The following RAPGEF4 variants were observed in gnomAD, a reference collection of about 807,000 sequenced individuals.
The protein encoded by RAPGEF4 is Rap guanine nucleotide exchange factor 4.
RAPGEF4 carries 66 observed loss-of-function variants against 147.9 expected under a neutral mutation model. The observed-to-expected ratio is 0.45, with a 90% confidence interval of 0.37 to 0.55. The LOEUF (loss-of-function observed/expected upper bound fraction) is 0.55. Among genes scored for constraint, RAPGEF4 ranks in the 20% least tolerant of loss-of-function variants. RAPGEF4 has a pLI of 0.00. For synonymous variants in RAPGEF4, 419 were observed against 442.7 expected (o/e 0.95, Z 0.67); for missense variants, 1,071 against 1,257.3 (o/e 0.85, Z 2.24).
chr2:172,869,812 G>T (rs1021695987), intron 4 of RAPGEF4, among the ~76,000 whole-genome samples: 2 of 152,148 alleles, frequency 1.3e-5, no homozygotes, highest in African/African-American at 4.8e-5. Context: ...ATATCTAAAA[G>T]GAAGTCCAGA....
chr2:172,966,516 A>C (rs1478690295), intron 9 of RAPGEF4, among the ~76,000 whole-genome samples: 1 of 152,112 alleles, frequency 6.6e-6, no homozygotes, highest in African/African-American at 2.4e-5. Flanking sequence ...CAAGGGATCT[A>C]CTGCTTGTCT....
At chr2:173,033,299 C>T (rs1299026741) in intron 26 of RAPGEF4, among the ~76,000 whole-genome samples, 2 of 152,100 alleles carry the variant, frequency 1.3e-5, no homozygotes, top group Admixed American at 6.6e-5. Flanking sequence ...TGAGAAGCAG[C>T]TGTGTGACTC....
chr2:172,950,381 A>G (rs1415862242), intron 6 of RAPGEF4, among the ~76,000 whole-genome samples: 3 of 152,222 alleles, frequency 2.0e-5, no homozygotes, highest in Non-Finnish European at 4.4e-5. Context: ...GGATTGATCC[A>G]TTCAGCAAAT....
At chr2:172,847,039 T>C (rs1575025039) in intron 4 of RAPGEF4, among the ~76,000 whole-genome samples, 1 of 152,186 alleles carries the variant, frequency 6.6e-6, no homozygotes, top group East Asian at 1.9e-4. Context: ...GATGAATTAA[T>C]GGATGATTGA....
chr2:172,850,522 G>A (rs1315778336), intron 4 of RAPGEF4, among the ~76,000 whole-genome samples: 1 of 152,004 alleles, frequency 6.6e-6, no homozygotes, highest in East Asian at 1.9e-4. Flanking sequence ...GCAGGCTGAG[G>A]CAGGAGAATG....
intron 1 of RAPGEF4, among the ~76,000 whole-genome samples, chr2:172,792,364 C>T (rs1685907788): frequency 1.3e-5 from 2 of 152,224 alleles, no homozygotes; most frequent in Admixed American, 1.3e-4. Flanking sequence ...GAAAGCCCTT[C>T]TGAAGGGGTA....
rs1175719681 is a variant in RAPGEF4, at chr2:172,802,049, C to T, written c.297+4436C>T. 2.0e-5 allele frequency among the ~76,000 whole-genome samples: 3 copies of T among 151,976 alleles called. No individual in the cohort carries two copies. The South Asian group carries it at 6.2e-4, about 32-fold the overall frequency. Reference sequence around the variant, plus strand: ...GAGGGAAAGTGAAGTACACTGTGTACAAGATGGAGACAAAATGGTTAGAAC... The same window carrying T: ...GAGGGAAAGTGAAGTACACTGTGTATAAGATGGAGACAAAATGGTTAGAAC... On this transcript the variant is annotated intron_variant, in intron 3 of 30. Coordinates refer to ENST00000397081, the MANE Select transcript of RAPGEF4 (RefSeq NM_007023.4).
chr2:172,894,236 C>T (rs1575158547), intron 4 of RAPGEF4: 1 of 152,202 alleles, frequency 6.6e-6, no homozygotes, highest in Non-Finnish European at 1.5e-5. Flanking sequence ...TGGTAGAGAA[C>T]CTTAGAGTCT....
intron 1 of RAPGEF4, among the ~76,000 whole-genome samples, chr2:172,754,216 T>C (rs1163327697): frequency 6.6e-6 from 1 of 152,214 alleles, no homozygotes; most frequent in Non-Finnish European, 1.5e-5. Flanking sequence ...TTATACCTTT[T>C]AAAATGAACT....
chr2:172,795,264 C>G, intron 2 of RAPGEF4, 97 bp downstream of exon 2: 1 of 1,289,554 alleles, frequency 7.8e-7, no homozygotes, highest in Non-Finnish European at 1.1e-6. Flanking sequence ...TATTTATGTG[C>G]TAAATATTTG....
At chr2:172,893,590 A>C (rs1378810361) in intron 4 of RAPGEF4, among the ~76,000 whole-genome samples, 1 of 151,942 alleles carries the variant, frequency 6.6e-6, no homozygotes, top group Non-Finnish European at 1.5e-5. Flanking sequence ...ATGTTTTATG[A>C]ATTCAATTTT....
At chr2:172,924,130 A>T (rs757917421) in intron 6 of RAPGEF4, among the ~76,000 whole-genome samples, 1 of 152,214 alleles carries the variant, frequency 6.6e-6, no homozygotes, top group Non-Finnish European at 1.5e-5. Context: ...AGAAGACAGA[A>T]AGGCCTTGTC....
At chr2:172,996,919 C>G (rs974972276) in intron 16 of RAPGEF4, among the ~76,000 whole-genome samples, 2 of 152,196 alleles carry the variant, frequency 1.3e-5, no homozygotes, top group East Asian at 1.9e-4. Context: ...AAAGGTACAG[C>G]CTTGCTCCAG....
chr2:172,838,442 A>G (rs1691211393), intron 4 of RAPGEF4, among the ~76,000 whole-genome samples: 1 of 152,144 alleles, frequency 6.6e-6, no homozygotes, highest in Non-Finnish European at 1.5e-5. Flanking sequence ...ATGAAGTAAG[A>G]TAATATTAAA....
intron 4 of RAPGEF4, among the ~76,000 whole-genome samples, chr2:172,847,202 A>G (rs1195794930): frequency 1.3e-5 from 2 of 152,192 alleles, no homozygotes; most frequent in East Asian, 3.8e-4. Context: ...GCACAGGTAC[A>G]GAAGAGAAAA....
chr2:172,756,958 G>A (rs73979546), intron 1 of RAPGEF4, among the ~76,000 whole-genome samples: 12,098 of 152,154 alleles, frequency 0.08, 506 homozygotes, highest in African/African-American at 0.091. Flanking sequence ...TGCACCTATC[G>A]GGGATGGACC....
intron 17 of RAPGEF4, among the ~76,000 whole-genome samples, chr2:173,006,303 T>C (rs1056503402): frequency 1.3e-5 from 2 of 152,212 alleles, no homozygotes; most frequent in African/African-American, 2.4e-5. Context: ...TGTCAATGAA[T>C]GTAGGTGTTT....
chr2:173,006,591 C>T (rs952196553), intron 17 of RAPGEF4, among the ~76,000 whole-genome samples: 7 of 152,156 alleles, frequency 4.6e-5, no homozygotes, highest in African/African-American at 1.4e-4. Context: ...TGTATAGAAG[C>T]AAACACAACA....
At chr2:173,032,534 T>A (rs1008730774) in intron 26 of RAPGEF4, among the ~76,000 whole-genome samples, 2 of 152,208 alleles carry the variant, frequency 1.3e-5, no homozygotes, top group African/African-American at 2.4e-5. Flanking sequence ...TTAAATGGAC[T>A]AAATTCAGTA....
Sources: gnomAD v4.1 joint callset for allele counts (sites outside exome capture counted in the v4.1 genomes callset) on GRCh38, gnomAD v4.1.1 for gene constraint, MANE v1.5 for transcripts, NCBI Gene and HGNC (gene_info 2026-07-23, HGNC 2026-07-21) for gene names.